COL5A2: variants seen among roughly 807,000 people sequenced by gnomAD.
The protein encoded by COL5A2 is collagen type V alpha 2 chain, also known as collagen alpha-2(V) chain.
In COL5A2, 23 loss-of-function variants were observed where a neutral mutation model predicts 208.2. The ratio of observed to expected loss-of-function variants is 0.11; its 90% CI spans 0.08 to 0.16. The LOEUF (loss-of-function observed/expected upper bound fraction) is 0.16. Ranked by LOEUF, COL5A2 falls within the 10% of genes least tolerant of loss-of-function variation. COL5A2 has a pLI of 1.00. For synonymous variants in COL5A2, 625 were observed against 628.5 expected (o/e 0.99, Z 0.08); for missense variants, 1,590 against 1,956.4 (o/e 0.81, Z 3.53).
intron 1 of COL5A2, among the ~76,000 whole-genome samples, chr2:189,117,193 A>G (rs770225265): frequency 6.6e-6 from 1 of 152,224 alleles, no homozygotes; most frequent in Non-Finnish European, 1.5e-5. Context: ...CACATACTGC[A>G]CATGCAATGC....
intron 2 of COL5A2, among the ~76,000 whole-genome samples, chr2:189,107,780 A>G (rs1216463462): frequency 6.6e-6 from 1 of 151,680 alleles, no homozygotes; most frequent in Non-Finnish European, 1.5e-5. Context: ...TATCAATTAT[A>G]TTCCATATTC....
chr2:189,414,787 GT>G, the COL5A2 span, among the ~76,000 whole-genome samples: 1 of 146,280 alleles, frequency 6.8e-6, no homozygotes, highest in East Asian at 2.0e-4. Context: ...GAATGTTTCC[GT>G]TCTAGAGTCT....
chr2:189,411,702 T>C, the COL5A2 span, among the ~76,000 whole-genome samples: 4 of 152,190 alleles, frequency 2.6e-5, no homozygotes, highest in Non-Finnish European at 5.9e-5. Context: ...TTCTGAGTTA[T>C]TACTCAAATG....
intron 51 of COL5A2, among the ~76,000 whole-genome samples, 191 bp from the exon 52 acceptor site, chr2:189,036,994 A>G (rs1200425703): frequency 2.0e-5 from 3 of 152,142 alleles, no homozygotes; most frequent in African/African-American, 7.2e-5. Flanking sequence ...CGCTATTGTA[A>G]GGCACTTTGC....
At chr2:189,170,511 G>A (rs899973972) in intron 1 of COL5A2, among the ~76,000 whole-genome samples, 24 of 152,104 alleles carry the variant, frequency 1.6e-4, no homozygotes, top group Non-Finnish European at 1.3e-4. Flanking sequence ...AGAACTTGGA[G>A]GAAAACATCA....
the COL5A2 span, among the ~76,000 whole-genome samples, chr2:189,322,694 C>G: frequency 3.7e-4 from 56 of 152,172 alleles, no homozygotes; most frequent in African/African-American, 1.2e-3. Context: ...AATAGCTTAG[C>G]AACCAAAAAA....
chr2:189,122,946 G>A (rs1687536007), intron 1 of COL5A2, among the ~76,000 whole-genome samples: 1 of 144,414 alleles, frequency 6.9e-6, no homozygotes, highest in Non-Finnish European at 1.5e-5. Context: ...GTTTGATGAA[G>A]TTTGGGTGGG....
At chr2:189,396,444 C>T in the COL5A2 span, among the ~76,000 whole-genome samples, 7 of 151,750 alleles carry the variant, frequency 4.6e-5, no homozygotes, top group African/African-American at 9.7e-5. Context: ...GAGGCTGAGG[C>T]GGGTGAATCA....
At chr2:189,331,739 A>T in the COL5A2 span, among the ~76,000 whole-genome samples, 21 of 152,230 alleles carry the variant, frequency 1.4e-4, no homozygotes, top group African/African-American at 4.8e-4. Flanking sequence ...TACTAATTTT[A>T]AAAATGGTGA....
chr2:189,281,090 T>C, the COL5A2 span, among the ~76,000 whole-genome samples: 39 of 152,072 alleles, frequency 2.6e-4, no homozygotes, highest in Admixed American at 1.9e-3. Flanking sequence ...TTGCATTATT[T>C]ACCATAAATT....
Position 189,035,169 on chromosome 2 carries a change from G to C in COL5A2, c.4114-14C>G, listed in dbSNP as rs777751790. On this transcript the variant is annotated splice_polypyrimidine_tract_variant and intron_variant, in intron 52 of 53. Coordinates refer to ENST00000374866, the MANE Select transcript of COL5A2 (RefSeq NM_000393.5). ...TCCATAAGCGAACTAGAAAAACAAA[G>C]AGTCTTTGTCATACACAAGACTGAA... 23 of 1,613,544 alleles carry C rather than the reference G, an allele frequency of 1.4e-5. No homozygotes were observed. Among genetic ancestry groups the C allele is most frequent in the African/African-American group, 8.0e-5 (6 of 74,878 alleles).
At chr2:189,315,427 A>T in the COL5A2 span, among the ~76,000 whole-genome samples, 2 of 152,142 alleles carry the variant, frequency 1.3e-5, no homozygotes, top group Non-Finnish European at 2.9e-5. Flanking sequence ...TTGAAGGAAA[A>T]TACCTCAAAA....
rs368234550 is a variant in COL5A2, at chr2:189,034,187, G to C, written c.4383C>G (p.Val1461=). ...CCACATTCTGTGTTCTATATTCAAA[G>C]ACAGTCTTGCCCACATTTCCATTCC... ...SKRNGNVGKT[V]FEYRTQNVAR... Residue 1461 remains valine, a synonymous_variant, in exon 54 of 54, where the codon GTC becomes GTG. Coordinates refer to ENST00000374866, the MANE Select transcript of COL5A2 (RefSeq NM_000393.5). 21 of 1,613,856 alleles carry C rather than the reference G, an allele frequency of 1.3e-5. No homozygotes were observed. Among genetic ancestry groups the C allele is most frequent in the Non-Finnish European group, 1.2e-5 (14 of 1,179,930 alleles).
chr2:189,104,512 T>C, intron 2 of COL5A2, among the ~76,000 whole-genome samples: 1 of 152,066 alleles, frequency 6.6e-6, no homozygotes, highest in Non-Finnish European at 1.5e-5. Flanking sequence ...ACAACATTTA[T>C]ATGACATTTA....
At chr2:189,423,036 AAAAAG>A in the COL5A2 span, among the ~76,000 whole-genome samples, 1 of 151,638 alleles carries the variant, frequency 6.6e-6, no homozygotes, top group South Asian at 2.1e-4. Context: ...AAAAAAAAAA[AAAAAG>A]AAAGAAAAGA....
At chr2:189,388,940 A>G in the COL5A2 span, among the ~76,000 whole-genome samples, 1 of 152,198 alleles carries the variant, frequency 6.6e-6, no homozygotes, top group Non-Finnish European at 1.5e-5. Flanking sequence ...GAAAATGCTA[A>G]TGGAAGAGCC....
At chr2:189,419,058 G>A in the COL5A2 span, among the ~76,000 whole-genome samples, 30 of 152,150 alleles carry the variant, frequency 2.0e-4, no homozygotes, top group Admixed American at 1.9e-3. Context: ...GAGCCCATCA[G>A]GAAAATCCTC....
the COL5A2 span, among the ~76,000 whole-genome samples, chr2:189,304,487 CAG>C: frequency 2.0e-5 from 3 of 152,166 alleles, no homozygotes; most frequent in Admixed American, 1.3e-4. Context: ...TCCTGGGTGA[CAG>C]AGAGTCAGGA....
intron 1 of COL5A2, among the ~76,000 whole-genome samples, chr2:189,163,732 C>T (rs929102965): frequency 1.3e-5 from 2 of 152,194 alleles, no homozygotes; most frequent in African/African-American, 4.8e-5. Context: ...ACAAATATGA[C>T]TTAAGTGAAG....
Sources: gnomAD v4.1 joint callset for allele counts (sites outside exome capture counted in the v4.1 genomes callset) on GRCh38, gnomAD v4.1.1 for gene constraint, MANE v1.5 for transcripts, NCBI Gene and HGNC (gene_info 2026-07-23, HGNC 2026-07-21) for gene names.